Variants in ECT2L observed in about 807,000 individuals in gnomAD.
ECT2L encodes epithelial cell transforming 2 like, also known as epithelial cell-transforming sequence 2 oncogene-like.
In ECT2L, 126 loss-of-function variants were observed where a neutral mutation model predicts 122.8. That is an observed-to-expected ratio of 1.03 (90% CI 0.89 to 1.19). The LOEUF is 1.19. ECT2L is among the 50% of genes most tolerant of loss of function. The probability of loss-of-function intolerance (pLI) is 0.00; values close to 1 mark genes in which losing one functional copy is unlikely to be tolerated. For missense variants in ECT2L, 1,012 were observed against 1,064.1 expected (o/e 0.95, Z 0.68); for synonymous variants, 385 against 381.8 (o/e 1.01, Z -0.10).
chr6:138,890,923 T>G (rs1779001122), intron 20 of ECT2L, among the ~76,000 whole-genome samples: 1 of 152,210 alleles, frequency 6.6e-6, no homozygotes. Context: ...AGAAGTCCAG[T>G]GTAATTTTTA....
chr6:138,830,505 A>C (rs1318883007), intron 4 of ECT2L, among the ~76,000 whole-genome samples: 1 of 152,206 alleles, frequency 6.6e-6, no homozygotes, highest in Non-Finnish European at 1.5e-5. Flanking sequence ...AGTCATCTGC[A>C]GGGACTGTCC....
intron 1 of ECT2L, among the ~76,000 whole-genome samples, chr6:138,796,508 T>C (rs1775348661): frequency 6.6e-6 from 1 of 152,168 alleles, no homozygotes; most frequent in South Asian, 2.1e-4. Flanking sequence ...TGGAAAACGC[T>C]GATTTTCATA....
At chr6:138,891,686 C>T (rs1779032318) in intron 20 of ECT2L, among the ~76,000 whole-genome samples, 1 of 152,186 alleles carries the variant, frequency 6.6e-6, no homozygotes, top group Non-Finnish European at 1.5e-5. Flanking sequence ...TTGCCTGTAA[C>T]TTCTATCCCC....
intron 5 of ECT2L, among the ~76,000 whole-genome samples, chr6:138,841,727 T>C (rs1170235955): frequency 1.3e-5 from 2 of 152,266 alleles, no homozygotes; most frequent in Non-Finnish European, 2.9e-5. Context: ...GGCTTACCTC[T>C]CTGGGTTTCC....
In ECT2L at chr6:138,902,969, G is replaced by T; in HGVS notation, c.*342G>T. On this transcript the variant is annotated 3_prime_UTR_variant, in exon 22 of 22. Coordinates refer to ENST00000541398, the MANE Select transcript of ECT2L (RefSeq NM_001077706.3). ...TATGATCTAATGAAAAAAGCAGAATGAAAGTGTTTCTTAAGTGATCAGTCT... is the reference window on the plus strand; with the variant it reads ...TATGATCTAATGAAAAAAGCAGAATTAAAGTGTTTCTTAAGTGATCAGTCT... The T allele has an allele frequency of 4.2e-6, 1 of 238,790 alleles. No homozygotes were observed. The allele number at this position is 238,790 out of a possible 1,614,324, so 14.8% of individuals were successfully genotyped here. A position where few individuals can be genotyped will look rare whatever the true frequency, so the allele number is the denominator to read the frequency against.
intron 5 of ECT2L, among the ~76,000 whole-genome samples, chr6:138,840,102 T>C (rs117462753): frequency 0.02 from 3,011 of 152,258 alleles, 39 homozygotes; most frequent in Non-Finnish European, 0.029. Context: ...AGAAAAGAGA[T>C]TGTTATTTAA....
intron 7 of ECT2L, among the ~76,000 whole-genome samples, chr6:138,844,797 T>TC (rs1445447138): frequency 6.8e-6 from 1 of 146,232 alleles, no homozygotes; most frequent in East Asian, 2.0e-4. Flanking sequence ...TAAATGTTCT[T>TC]TTTTTTTTTT....
chr6:138,884,773 A>G (rs1429376820), intron 16 of ECT2L, among the ~76,000 whole-genome samples: 3 of 152,212 alleles, frequency 2.0e-5, no homozygotes, highest in Non-Finnish European at 4.4e-5. Flanking sequence ...ATACTGAAAT[A>G]ACATTTACTG....
intron 1 of ECT2L, among the ~76,000 whole-genome samples, chr6:138,811,148 G>A (rs892213277): frequency 4.6e-5 from 7 of 152,188 alleles, no homozygotes; most frequent in Non-Finnish European, 8.8e-5. Context: ...CCTCTGGTGT[G>A]CCCTCTCTTG....
intron 14 of ECT2L, among the ~76,000 whole-genome samples, chr6:138,877,008 G>A (rs976270825): frequency 3.3e-5 from 5 of 152,122 alleles, no homozygotes; most frequent in African/African-American, 7.2e-5. Flanking sequence ...GGCCGGTCTC[G>A]TCCTGTGTAA....
intron 19 of ECT2L, among the ~76,000 whole-genome samples, chr6:138,888,669 G>T (rs1368239831): frequency 1.3e-5 from 2 of 151,992 alleles, no homozygotes; most frequent in Non-Finnish European, 2.9e-5. Context: ...CTTTGTTTTT[G>T]ATATTAGGAA....
chr6:138,817,731 TA>T (rs1334452768), intron 4 of ECT2L, among the ~76,000 whole-genome samples: 2 of 152,230 alleles, frequency 1.3e-5, no homozygotes, highest in Non-Finnish European at 2.9e-5. Flanking sequence ...TTATGATATT[TA>T]AGACATTTTT....
intron 20 of ECT2L, among the ~76,000 whole-genome samples, chr6:138,898,375 G>A (rs1485825511): frequency 6.6e-6 from 1 of 152,144 alleles, no homozygotes; most frequent in Non-Finnish European, 1.5e-5. Flanking sequence ...TAGTGGCTGG[G>A]TGACCACTAT....
intron 4 of ECT2L, among the ~76,000 whole-genome samples, chr6:138,824,541 T>TA (rs147704560): frequency 0.2 from 23,443 of 119,914 alleles, 2,487 homozygotes; most frequent in Non-Finnish European, 0.26. Context: ...AAAAAAGCAA[T>TA]AAAAAAAAAA....
intron 4 of ECT2L, among the ~76,000 whole-genome samples, chr6:138,834,859 C>A (rs1776766598): frequency 6.6e-6 from 1 of 151,088 alleles, no homozygotes; most frequent in Non-Finnish European, 1.5e-5. Flanking sequence ...CTACATGCTA[C>A]CAGTACAGGC....
In ECT2L at chr6:138,816,913, C is replaced by A. The variant is rs561935463; in HGVS notation, c.179+2310C>A. Among the ~76,000 whole-genome samples, 5 of 152,318 alleles carry A rather than the reference C, an allele frequency of 3.3e-5. No homozygotes were observed. The East Asian group carries it at 7.7e-4, about 24-fold the overall frequency. On this transcript the variant is annotated intron_variant, in intron 4 of 21. Coordinates refer to ENST00000541398, the MANE Select transcript of ECT2L (RefSeq NM_001077706.3). The stretch of plus-strand genomic sequence containing the variant: ...ACATGTTAAGTTTAGACCATTTCAT[C>A]ATCCCACAAAGAACCCCCCTACCCA...
intron 12 of ECT2L, among the ~76,000 whole-genome samples, chr6:138,866,193 G>T (rs1245201858): frequency 6.9e-6 from 1 of 145,536 alleles, no homozygotes; most frequent in African/African-American, 2.5e-5. Context: ...CTTGTCCCCA[G>T]GCTGGAGTGC....
At chr6:138,879,030 G>GC (rs1228774244) in intron 14 of ECT2L, 1 of 162,908 alleles carries the variant, frequency 6.1e-6, no homozygotes, top group African/African-American at 2.4e-5. Context: ...GCGTAAAATA[G>GC]CAAGTTCTCT....
intron 1 of ECT2L, among the ~76,000 whole-genome samples, chr6:138,806,439 C>T (rs1277462036): frequency 6.7e-6 from 1 of 150,100 alleles, no homozygotes; most frequent in East Asian, 2.0e-4. Flanking sequence ...TTCTTTGAAA[C>T]TCTTTTACAG....
Sources: gnomAD v4.1 joint callset for allele counts (sites outside exome capture counted in the v4.1 genomes callset) on GRCh38, gnomAD v4.1.1 for gene constraint, MANE v1.5 for transcripts, NCBI Gene and HGNC (gene_info 2026-07-23, HGNC 2026-07-21) for gene names.